FNDC3A: variants seen among roughly 807,000 people sequenced by gnomAD.
FNDC3A encodes the protein fibronectin type-III domain-containing protein 3A.
In FNDC3A, 32 loss-of-function variants were observed where a neutral mutation model predicts 148.9. The ratio of observed to expected loss-of-function variants is 0.21; its 90% CI spans 0.16 to 0.29. The LOEUF (loss-of-function observed/expected upper bound fraction) is 0.29, where lower values mean the gene tolerates loss of function less well. Ranked by LOEUF, FNDC3A falls within the 10% of genes least tolerant of loss-of-function variation. The pLI is 1.00. For missense variants in FNDC3A, 1,191 were observed against 1,452.8 expected (o/e 0.82, Z 2.93); for synonymous variants, 472 against 473.6 (o/e 1.00, Z 0.04).
intron 8 of FNDC3A, among the ~76,000 whole-genome samples, chr13:49,161,598 C>T (rs1212114143): frequency 6.6e-6 from 1 of 152,090 alleles, no homozygotes; most frequent in African/African-American, 2.4e-5. Flanking sequence ...GCATTTAGTC[C>T]ATTTACATTT....
chr13:49,113,315 A>AT (rs1315946369), intron 3 of FNDC3A, among the ~76,000 whole-genome samples: 1 of 4,872 alleles, frequency 2.1e-4, no homozygotes, highest in Non-Finnish European at 4.0e-4. Flanking sequence ...ATTTTCCGTC[A>AT]CCCCGTTTAG....
At chr13:49,092,891 A>G (rs57896718) in intron 3 of FNDC3A, among the ~76,000 whole-genome samples, 2,344 of 152,100 alleles carry the variant, frequency 0.015, 62 homozygotes, top group African/African-American at 0.052. Context: ...GTCCATCTTT[A>G]ATAATGTAAT....
At position 49,117,120 on chromosome 13, in the gene FNDC3A, T is replaced by A. The variant is rs575992127; in HGVS notation, c.252+2389T>A. Among the ~76,000 whole-genome samples, 11 of 152,350 alleles carry A rather than the reference T, an allele frequency of 7.2e-5. No homozygotes were observed. In the South Asian group the frequency reaches 2.3e-3, roughly 32 times the overall value. On this transcript the variant is annotated intron_variant, in intron 4 of 25. Coordinates refer to ENST00000492622, the MANE Select transcript of FNDC3A (RefSeq NM_001079673.2). Reference sequence around the variant, plus strand: ...TCAATGCCAAGTATATAGCCTGTCATATAGTAGGAGCTCAGTAAATATTTG... The same window carrying A: ...TCAATGCCAAGTATATAGCCTGTCAAATAGTAGGAGCTCAGTAAATATTTG...
intron 10 of FNDC3A, among the ~76,000 whole-genome samples, chr13:49,169,453 C>T (rs1364579257): frequency 6.6e-6 from 1 of 152,090 alleles, no homozygotes; most frequent in Non-Finnish European, 1.5e-5. Context: ...TTCAGAAGTC[C>T]TAGAGGAAGA....
chr13:49,082,974 T>C (rs1292222073), intron 3 of FNDC3A, among the ~76,000 whole-genome samples: 1 of 151,622 alleles, frequency 6.6e-6, no homozygotes, highest in Non-Finnish European at 1.5e-5. Context: ...GTTGTAGGAG[T>C]CCCAGCATGG....
intron 2 of FNDC3A, among the ~76,000 whole-genome samples, chr13:49,022,087 A>G (rs1257114559): frequency 6.6e-6 from 1 of 152,198 alleles, no homozygotes; most frequent in Non-Finnish European, 1.5e-5. Flanking sequence ...TGAATAAACC[A>G]TTTCACAGGT....
At chr13:48,982,715 A>G (rs1480147776) in intron 1 of FNDC3A, among the ~76,000 whole-genome samples, 1 of 152,096 alleles carries the variant, frequency 6.6e-6, no homozygotes, top group Non-Finnish European at 1.5e-5. Context: ...TTGATATCCT[A>G]TTGTGTCATC....
In FNDC3A at chr13:49,183,165, A is replaced by G. The variant is rs183754224; in HGVS notation, c.1618-2799A>G. ...ACTCATCTCTCCCTGAGCAGAGCTC[A>G]CTGTTCACTATTCACTTGTGCTCTT... is the stretch of plus-strand genomic sequence containing the variant. On this transcript the variant is annotated intron_variant, in intron 14 of 25. Coordinates refer to ENST00000492622, the MANE Select transcript of FNDC3A (RefSeq NM_001079673.2). 8.5e-5 allele frequency among the ~76,000 whole-genome samples: 13 copies of G among 152,326 alleles called. No homozygotes were observed. In the East Asian group the frequency reaches 2.5e-3, roughly 29 times the overall value.
intron 3 of FNDC3A, among the ~76,000 whole-genome samples, chr13:49,077,697 G>A (rs1203739329): frequency 1.3e-5 from 2 of 152,114 alleles, no homozygotes; most frequent in African/African-American, 4.8e-5. Context: ...TAAAACCTAG[G>A]TAATGGGTTT....
In FNDC3A at chr13:49,155,434, C is replaced by T. The variant is rs1422370525; in HGVS notation, c.977+9499C>T. 3.9e-3 allele frequency among the ~76,000 whole-genome samples: 580 copies of T among 149,198 alleles called. 1 individual carries two copies. The highest frequency in any genetic ancestry group is 6.9e-3 in the Middle Eastern group (2 of 290). On this transcript the variant is annotated intron_variant, in intron 8 of 25. Transcript: ENST00000492622. ...TTTTTTTCTTTATTAGTCTTGCTAG[C>T]GGTCTATCTATTTTGTTGATCCTTT...
chr13:48,984,991 C>T (rs1951762325), intron 1 of FNDC3A, among the ~76,000 whole-genome samples: 1 of 151,862 alleles, frequency 6.6e-6, no homozygotes, highest in Non-Finnish European at 1.5e-5. Context: ...CCCGAGTGGA[C>T]TAAATGTTGA....
chr13:49,096,794 A>G (rs1041685518), intron 3 of FNDC3A, among the ~76,000 whole-genome samples: 2 of 152,164 alleles, frequency 1.3e-5, no homozygotes, highest in Admixed American at 6.6e-5. Flanking sequence ...GCTAAGTGCT[A>G]TGATGGAGTT....
At chr13:49,034,177 A>G (rs1243865735) in intron 2 of FNDC3A, among the ~76,000 whole-genome samples, 1 of 152,056 alleles carries the variant, frequency 6.6e-6, no homozygotes, top group African/African-American at 2.4e-5. Context: ...TTATGAATCT[A>G]TTAAGAATGA....
intron 5 of FNDC3A, among the ~76,000 whole-genome samples, chr13:49,133,682 G>T (rs985942002): frequency 6.6e-6 from 1 of 152,180 alleles, no homozygotes; most frequent in Non-Finnish European, 1.5e-5. Flanking sequence ...CCTGAACCTT[G>T]CTAGGCACTA....
At chr13:49,172,277 T>G (rs1884792852) in intron 11 of FNDC3A, among the ~76,000 whole-genome samples, 181 bp downstream of exon 11, 1 of 152,240 alleles carries the variant, frequency 6.6e-6, no homozygotes, top group African/African-American at 2.4e-5. Context: ...TTAACTTCCC[T>G]ATTTTCAATA....
At chr13:49,003,409 T>C (rs754161502) in intron 1 of FNDC3A, among the ~76,000 whole-genome samples, 2 of 152,168 alleles carry the variant, frequency 1.3e-5, no homozygotes, top group Admixed American at 6.5e-5. Flanking sequence ...TCTTGTTATT[T>C]TTCTATCTTT....
At chr13:49,053,084 A>G (rs1875965666) in intron 2 of FNDC3A, among the ~76,000 whole-genome samples, 1 of 152,148 alleles carries the variant, frequency 6.6e-6, no homozygotes, top group African/African-American at 2.4e-5. Context: ...TAACTCCCCA[A>G]CAGCACCGAG....
chr13:49,191,630 A>G (rs952362120), intron 19 of FNDC3A, among the ~76,000 whole-genome samples: 1 of 152,220 alleles, frequency 6.6e-6, no homozygotes, highest in Non-Finnish European at 1.5e-5. Context: ...CAGCTGGGCT[A>G]GAGTTTACCT....
intron 2 of FNDC3A, among the ~76,000 whole-genome samples, chr13:49,011,853 A>G (rs558724505): frequency 1.3e-4 from 20 of 152,302 alleles, no homozygotes; most frequent in African/African-American, 4.8e-4. Flanking sequence ...GGCAATGAAA[A>G]TATTTCTAAA....
Sources: gnomAD v4.1 joint callset for allele counts (sites outside exome capture counted in the v4.1 genomes callset) on GRCh38, gnomAD v4.1.1 for gene constraint, MANE v1.5 for transcripts, NCBI Gene and HGNC (gene_info 2026-07-23, HGNC 2026-07-21) for gene names.